CKAP5: variants seen among roughly 807,000 people sequenced by gnomAD.
The protein encoded by CKAP5 is cytoskeleton-associated protein 5.
In CKAP5, 27 loss-of-function variants were observed where a neutral mutation model predicts 232.8. The observed-to-expected ratio is 0.12, with a 90% CI of 0.09 to 0.16. The LOEUF (loss-of-function observed/expected upper bound fraction) is 0.16. Ranked by LOEUF, CKAP5 falls within the 10% of genes least tolerant of loss-of-function variation. The probability of loss-of-function intolerance (pLI) is 1.00; values close to 1 mark genes in which losing one functional copy is unlikely to be tolerated. For missense variants in CKAP5, 1,838 were observed against 2,424.7 expected (o/e 0.76, Z 5.08); for synonymous variants, 785 against 841.1 (o/e 0.93, Z 1.16).
intron 22 of CKAP5, among the ~76,000 whole-genome samples, chr11:46,777,912 T>C (rs912411134): frequency 1.3e-4 from 20 of 152,328 alleles, no homozygotes; most frequent in African/African-American, 3.6e-4. Flanking sequence ...ATATTCAATA[T>C]TGGATTCCTG....
intron 8 of CKAP5, among the ~76,000 whole-genome samples, chr11:46,805,946 A>C (rs1459860190): frequency 1.3e-5 from 2 of 152,256 alleles, no homozygotes; most frequent in Non-Finnish European, 2.9e-5. Context: ...TCAAAAAAGA[A>C]AATAAAAAAA....
intron 1 of CKAP5, among the ~76,000 whole-genome samples, chr11:46,833,964 G>A (rs1939855705): frequency 6.6e-6 from 1 of 151,792 alleles, no homozygotes; most frequent in Admixed American, 6.6e-5. Flanking sequence ...CTGCCTCCTG[G>A]GTTCAAGTGA....
At chr11:46,768,385 A>G (rs1216927841) in intron 26 of CKAP5, among the ~76,000 whole-genome samples, 1 of 148,172 alleles carries the variant, frequency 6.7e-6, no homozygotes, top group African/African-American at 2.5e-5. Context: ...TTTTTTTTAG[A>G]GACAGGGTCC....
At chr11:46,747,084 C>A (rs2065028060) in intron 42 of CKAP5, among the ~76,000 whole-genome samples, 1 of 152,070 alleles carries the variant, frequency 6.6e-6, no homozygotes, top group Non-Finnish European at 1.5e-5. Context: ...TTGCAGTGAG[C>A]CGAGATCGTC....
intron 42 of CKAP5, among the ~76,000 whole-genome samples, chr11:46,747,858 G>C (rs1267600108): frequency 6.6e-6 from 1 of 151,860 alleles, no homozygotes; most frequent in East Asian, 1.9e-4. Flanking sequence ...CCAGGAGTTA[G>C]AGACCAGCCT....
At chr11:46,773,843 T>G (rs768498094) in intron 24 of CKAP5, among the ~76,000 whole-genome samples, 9 of 152,128 alleles carry the variant, frequency 5.9e-5, no homozygotes, top group Non-Finnish European at 1.0e-4. Flanking sequence ...GCACCCAGCC[T>G]CTATTTTTAT....
intron 1 of CKAP5, among the ~76,000 whole-genome samples, chr11:46,823,767 C>A (rs917806291): frequency 1.3e-5 from 2 of 152,126 alleles, no homozygotes; most frequent in Non-Finnish European, 2.9e-5. Flanking sequence ...ACTACAGGCA[C>A]ATGTCACCAT....
intron 24 of CKAP5, among the ~76,000 whole-genome samples, chr11:46,773,932 G>C (rs1028878555): frequency 6.6e-6 from 1 of 152,090 alleles, no homozygotes; most frequent in Non-Finnish European, 1.5e-5. Context: ...ATGGGCAAAA[G>C]CTGGAAGGAT....
At chr11:46,836,291 T>C (rs920443226) in intron 1 of CKAP5, among the ~76,000 whole-genome samples, 1 of 152,244 alleles carries the variant, frequency 6.6e-6, no homozygotes, top group Non-Finnish European at 1.5e-5. Flanking sequence ...ACATCATCTT[T>C]GCAACTTTTC....
intron 8 of CKAP5, among the ~76,000 whole-genome samples, chr11:46,804,826 A>G (rs754929472): frequency 6.6e-6 from 1 of 151,758 alleles, no homozygotes; most frequent in Non-Finnish European, 1.5e-5. Flanking sequence ...TCGAAAATCC[A>G]AATCTTAATG....
chr11:46,820,070 G>T (rs1939492698), intron 2 of CKAP5, among the ~76,000 whole-genome samples: 1 of 151,818 alleles, frequency 6.6e-6, no homozygotes, highest in South Asian at 2.1e-4. Context: ...TCAAAAATCG[G>T]AAAGTCTAAG....
At chr11:46,823,833 C>A (rs1425164504) in intron 1 of CKAP5, among the ~76,000 whole-genome samples, 1 of 152,300 alleles carries the variant, frequency 6.6e-6, no homozygotes, top group African/African-American at 2.4e-5. Flanking sequence ...GTTGCCCAGG[C>A]TGGCCGATTT....
At chr11:46,797,404 C>A (rs1227163429) in intron 11 of CKAP5, among the ~76,000 whole-genome samples, 13 of 149,054 alleles carry the variant, frequency 8.7e-5, no homozygotes, top group African/African-American at 2.8e-4. Flanking sequence ...AAAAAAAAAA[C>A]AAAAATTTTT....
At chr11:46,837,326 T>C (rs927891160) in intron 1 of CKAP5, among the ~76,000 whole-genome samples, 7 of 151,772 alleles carry the variant, frequency 4.6e-5, no homozygotes, top group South Asian at 2.1e-4. Context: ...CTCATGTTTT[T>C]CCCCCCCGCC....
chr11:46,832,613 T>A (rs1939817377), intron 1 of CKAP5, among the ~76,000 whole-genome samples: 1 of 152,264 alleles, frequency 6.6e-6, no homozygotes, highest in Admixed American at 6.5e-5. Flanking sequence ...ACACGTATTA[T>A]GTGCCAGGCA....
rs1396577621 is a variant in CKAP5 at position 46,743,847 on chromosome 11, CAGAG to C, written c.*172_*175del. ...GTCTTCTAGAGCAGCAGGACGCTGA[CAGAG>C]AGAAGCAGAGTATGTACAAATACTT... On this transcript the variant is annotated 3_prime_UTR_variant, in exon 44 of 44. Coordinates refer to ENST00000529230, the MANE Select transcript of CKAP5 (RefSeq NM_001008938.4). 57 of 745,214 alleles carry C rather than the reference CAGAG, an allele frequency of 7.6e-5. No individual in the cohort carries two copies. The East Asian group carries it at 1.1e-3, about 14-fold the overall frequency. The allele number at this position is 745,214 out of a possible 1,614,324, so 46.2% of individuals were successfully genotyped here. A position where few individuals can be genotyped will look rare whatever the true frequency, so the allele number is the denominator to read the frequency against.
chr11:46,764,873 TA>T (rs36077173), intron 28 of CKAP5, among the ~76,000 whole-genome samples: 2,426 of 151,374 alleles, frequency 0.016, 52 homozygotes, highest in African/African-American at 0.046. Flanking sequence ...TCCAATTAAT[TA>T]AAAAAAAAAA....
In CKAP5 at chr11:46,811,096, G is replaced by A; in HGVS notation, c.541C>T (p.Arg181Ter). 1 of 1,613,958 alleles carries A rather than the reference G, an allele frequency of 6.2e-7. No individual in the cohort carries two copies. The highest frequency in any genetic ancestry group is 8.5e-7 in the Non-Finnish European group (1 of 1,179,964). Residue 181 changes from arginine to a stop codon, truncating the protein, a stop_gained, in exon 5 of 44, where the codon CGA becomes TGA. Transcript: ENST00000529230. LOFTEE classifies it high-confidence loss of function. Reference protein sequence around the residue: ...KLFESREKAVRDEAKLIAVEI... With the variant: ...KLFESREKAV The stretch of plus-strand genomic sequence containing the variant: ...ACAGCAATTAGTTTGGCTTCATCTC[G>A]AACAGCCTTCTCTCGAGACTCAAAG...
At position 46,743,830 on chromosome 11, in the gene CKAP5, GAGC is replaced by G; in HGVS notation, c.*190_*192del. The G allele has an allele frequency of 1.5e-6, 1 of 664,910 alleles. No homozygotes were observed. Among genetic ancestry groups the G allele is most frequent in the Admixed American group, 2.9e-5 (1 of 34,816 alleles). 41.2% of individuals were successfully genotyped at this position (664,910 alleles called of 1,614,324 possible). ...AAACTCATCCACGGACAGTCTTCTA[GAGC>G]AGCAGGACGCTGACAGAGAGAAGCA... On this transcript the variant is annotated 3_prime_UTR_variant, in exon 44 of 44. Coordinates refer to ENST00000529230, the MANE Select transcript of CKAP5 (RefSeq NM_001008938.4).
Sources: gnomAD v4.1 joint callset for allele counts (sites outside exome capture counted in the v4.1 genomes callset) on GRCh38, gnomAD v4.1.1 for gene constraint, MANE v1.5 for transcripts, NCBI Gene and HGNC (gene_info 2026-07-23, HGNC 2026-07-21) for gene names.